Variants in SLIT2 observed in about 807,000 individuals in gnomAD.
The protein encoded by SLIT2 is slit homolog 2 protein.
A neutral mutation model predicts 185.7 loss-of-function variants in SLIT2; 41 were observed. The observed-to-expected ratio is 0.22, with a 90% CI of 0.17 to 0.29. The LOEUF (loss-of-function observed/expected upper bound fraction) is 0.29, where lower values mean the gene tolerates loss of function less well. Among genes scored for constraint, SLIT2 ranks in the 10% least tolerant of loss-of-function variants. SLIT2 has a pLI of 1.00. For missense variants in SLIT2, 1,571 were observed against 1,909.0 expected (o/e 0.82, Z 3.30); for synonymous variants, 693 against 680.2 (o/e 1.02, Z -0.29).
At chr4:20,483,921 T>A (rs1407593942) in intron 6 of SLIT2, among the ~76,000 whole-genome samples, 1 of 152,114 alleles carries the variant, frequency 6.6e-6, no homozygotes, top group Non-Finnish European at 1.5e-5. Context: ...TTATTAATTT[T>A]AAAAATAATT....
chr4:20,504,443 T>C (rs1719015441), intron 9 of SLIT2, among the ~76,000 whole-genome samples: 1 of 152,132 alleles, frequency 6.6e-6, no homozygotes, highest in African/African-American at 2.4e-5. Context: ...CAAAGACATA[T>C]TTTACTGGGT....
At position 20,558,274 on chromosome 4, in the gene SLIT2, G is replaced by A. The variant is rs115616667; in HGVS notation, c.2725+4306G>A. Among the ~76,000 whole-genome samples the A allele has an allele frequency of 9.0e-3, 1,375 of 151,984 alleles. 48 individuals carry two copies. The highest frequency in any genetic ancestry group is 0.032 in the African/African-American group (1,324 of 41,352). On this transcript the variant is annotated intron_variant, in intron 26 of 36. Coordinates refer to ENST00000504154, the MANE Select transcript of SLIT2 (RefSeq NM_004787.4). Reference sequence around the variant, plus strand: ...CTGGTGAAAGGAAGAGTCAATTGAGGCAGCAAAATTCATTGTTGTCTTATT... The same window carrying A: ...CTGGTGAAAGGAAGAGTCAATTGAGACAGCAAAATTCATTGTTGTCTTATT...
chr4:20,422,228 T>C (rs990345774), intron 4 of SLIT2, among the ~76,000 whole-genome samples: 1 of 152,188 alleles, frequency 6.6e-6, no homozygotes, highest in South Asian at 2.1e-4. Context: ...ACAAAAATAT[T>C]TTCTAATCTG....
At chr4:20,463,225 C>T (rs576941878) in intron 4 of SLIT2, among the ~76,000 whole-genome samples, 11 of 151,826 alleles carry the variant, frequency 7.2e-5, no homozygotes, top group African/African-American at 2.4e-4. Context: ...ATTCCTGCCA[C>T]CCACCACCTC....
At chr4:20,290,372 T>C (rs1482969741) in intron 4 of SLIT2, among the ~76,000 whole-genome samples, 1 of 152,152 alleles carries the variant, frequency 6.6e-6, no homozygotes, top group Non-Finnish European at 1.5e-5. Context: ...CCAAAAACTA[T>C]ACAGTATAAC....
chr4:20,478,803 G>T (rs1454619787), intron 5 of SLIT2, among the ~76,000 whole-genome samples: 1 of 152,118 alleles, frequency 6.6e-6, no homozygotes. Context: ...AGAGGTTAGA[G>T]AATAGTAGTG....
intron 4 of SLIT2, among the ~76,000 whole-genome samples, chr4:20,282,658 G>A (rs939364813): frequency 6.6e-6 from 1 of 152,214 alleles, no homozygotes; most frequent in African/African-American, 2.4e-5. Flanking sequence ...GTGTACACTT[G>A]TGTGTTAATC....
At chr4:20,300,419 G>A (rs1022475576) in intron 4 of SLIT2, among the ~76,000 whole-genome samples, 4 of 152,086 alleles carry the variant, frequency 2.6e-5, no homozygotes, top group African/African-American at 9.7e-5. Flanking sequence ...AAGGAACATG[G>A]AATTATATGT....
chr4:20,582,182 T>A (rs1358100830), intron 29 of SLIT2, among the ~76,000 whole-genome samples: 1 of 152,182 alleles, frequency 6.6e-6, no homozygotes, highest in Non-Finnish European at 1.5e-5. Context: ...TCTGGCACCA[T>A]GTTTTCCCGG....
chr4:20,518,583 ATATATTTTTTTTTTTTTTTTTTT>A (rs1447773157), intron 11 of SLIT2, among the ~76,000 whole-genome samples: 1 of 23,598 alleles, frequency 4.2e-5, no homozygotes, highest in African/African-American at 1.8e-4. Context: ...ATATATATAT[ATATATTTTTTTTTTTTTTTTTTT>A]TTTTTTTTTT....
chr4:20,475,788 G>A (rs1237043186), intron 5 of SLIT2, among the ~76,000 whole-genome samples: 1 of 151,942 alleles, frequency 6.6e-6, no homozygotes, highest in Admixed American at 6.6e-5. Context: ...CAATGTAGTT[G>A]TCCTTCCCTC....
chr4:20,519,661 C>A, intron 12 of SLIT2, among the ~76,000 whole-genome samples: 1 of 152,096 alleles, frequency 6.6e-6, no homozygotes, highest in East Asian at 1.9e-4. Flanking sequence ...CCAATTTTAT[C>A]TACACTATCA....
chr4:20,298,323 A>G (rs1307822067), intron 4 of SLIT2, among the ~76,000 whole-genome samples: 1 of 152,120 alleles, frequency 6.6e-6, no homozygotes, highest in Non-Finnish European at 1.5e-5. Flanking sequence ...TCCCGACCTC[A>G]GGTGATCTGC....
At chr4:20,439,062 T>C (rs760724194) in intron 4 of SLIT2, among the ~76,000 whole-genome samples, 1 of 152,230 alleles carries the variant, frequency 6.6e-6, no homozygotes, top group Non-Finnish European at 1.5e-5. Context: ...CCCCAAAAAA[T>C]AGAGCAGGGC....
chr4:20,558,165 T>A (rs1446859983), intron 26 of SLIT2, among the ~76,000 whole-genome samples: 1 of 152,036 alleles, frequency 6.6e-6, no homozygotes, highest in East Asian at 1.9e-4. Flanking sequence ...TGGCAGAGTT[T>A]GAGAGGATTG....
chr4:20,386,736 G>A (rs1421342588), intron 4 of SLIT2, among the ~76,000 whole-genome samples: 1 of 152,288 alleles, frequency 6.6e-6, no homozygotes, highest in East Asian at 1.9e-4. Context: ...AAATATAAAT[G>A]TTTAATAGAA....
intron 4 of SLIT2, among the ~76,000 whole-genome samples, chr4:20,317,642 A>C (rs184818778): frequency 1.6e-3 from 242 of 152,202 alleles, no homozygotes; most frequent in Non-Finnish European, 2.6e-3. Flanking sequence ...TATGAGGAAT[A>C]AATGATCCTT....
chr4:20,314,638 G>A (rs1178822090), intron 4 of SLIT2, among the ~76,000 whole-genome samples: 2 of 151,984 alleles, frequency 1.3e-5, no homozygotes, highest in African/African-American at 4.8e-5. Flanking sequence ...ATATTCCCAT[G>A]AACTAATGGG....
intron 4 of SLIT2, among the ~76,000 whole-genome samples, chr4:20,349,453 A>T (rs1006214394): frequency 1.3e-5 from 2 of 152,142 alleles, no homozygotes; most frequent in African/African-American, 4.8e-5. Context: ...TTCATGCAGT[A>T]GTTCCCTTTT....
Sources: allele counts gnomAD v4.1 joint callset (sites outside exome capture counted in the v4.1 genomes callset), GRCh38; gene constraint gnomAD v4.1.1; transcripts MANE v1.5; gene names NCBI Gene and HGNC (gene_info 2026-07-23, HGNC 2026-07-21).